COG4: variants seen among roughly 807,000 people sequenced by gnomAD.
The protein encoded by COG4 is conserved oligomeric Golgi complex subunit 4.
In COG4, 65 loss-of-function variants were observed where a neutral mutation model predicts 95.1. The ratio of observed to expected loss-of-function variants is 0.68; its 90% CI spans 0.56 to 0.84. The LOEUF is 0.84. COG4 is among the 40% of genes least tolerant of loss of function. The probability of loss-of-function intolerance (pLI) is 0.00; values close to 1 mark genes in which losing one functional copy is unlikely to be tolerated. For missense variants in COG4, 1,045 were observed against 989.1 expected (o/e 1.06, Z -0.76); for synonymous variants, 421 against 374.8 (o/e 1.12, Z -1.42).
chr16:70,506,641 G>T (rs116622934), intron 8 of COG4, among the ~76,000 whole-genome samples: 431 of 134,540 alleles, frequency 3.2e-3, no homozygotes, highest in African/African-American at 0.013. Context: ...ATTTAGCTGG[G>T]AGTGGTGACT....
chr16:70,498,891 C>A (rs1022494359), intron 9 of COG4, among the ~76,000 whole-genome samples: 2 of 152,066 alleles, frequency 1.3e-5, no homozygotes. Context: ...TTCTCTACAC[C>A]AGTACTGTCC....
chr16:70,487,299 A>G (rs1284555777), intron 13 of COG4, among the ~76,000 whole-genome samples: 1 of 151,248 alleles, frequency 6.6e-6, no homozygotes, highest in Non-Finnish European at 1.5e-5. Flanking sequence ...ATAAAAATAA[A>G]AAAAAAAAAA....
intron 13 of COG4, among the ~76,000 whole-genome samples, chr16:70,488,640 G>C (rs553188805): frequency 3.3e-5 from 5 of 151,054 alleles, no homozygotes; most frequent in South Asian, 4.2e-4. Context: ...CTCCACCTCC[G>C]GGGTTCAAAC....
intron 15 of COG4, chr16:70,482,392 G>A: frequency 1.6e-6 from 1 of 630,780 alleles, no homozygotes. Flanking sequence ...ACATGGTAAA[G>A]TTCCTGGCAT....
intron 9 of COG4, among the ~76,000 whole-genome samples, chr16:70,498,651 T>C (rs2049389178): frequency 6.6e-6 from 1 of 152,184 alleles, no homozygotes; most frequent in Admixed American, 6.6e-5. Flanking sequence ...TGTTGTTTCA[T>C]GTGAAATTGA....
At chr16:70,486,332 T>C (rs777258068) in intron 13 of COG4, among the ~76,000 whole-genome samples, 2 of 152,184 alleles carry the variant, frequency 1.3e-5, no homozygotes, top group African/African-American at 4.8e-5. Context: ...CATGCTGTTT[T>C]GGCTCCAGAG....
intron 6 of COG4, 85 bp from the exon 7 acceptor site, chr16:70,509,473 C>A: frequency 6.8e-7 from 1 of 1,470,112 alleles, no homozygotes; most frequent in South Asian, 1.2e-5. Flanking sequence ...AACCGAAGGT[C>A]TAGCTCAATC....
intron 3 of COG4, chr16:70,516,142 A>T (rs1318095237): frequency 1.1e-5 from 5 of 437,994 alleles, no homozygotes; most frequent in Non-Finnish European, 2.3e-5. Context: ...GTGTATTATT[A>T]GGATGGTGCA....
chr16:70,483,740 G>A, intron 14 of COG4, 113 bp downstream of exon 14: 1 of 845,790 alleles, frequency 1.2e-6, no homozygotes. Flanking sequence ...GGGCTTGCGT[G>A]CTGCTCCCTC....
chr16:70,497,130 A>C, intron 11 of COG4, 91 bp downstream of exon 11: 1 of 1,250,454 alleles, frequency 8.0e-7, no homozygotes, highest in Non-Finnish European at 1.2e-6. Context: ...CTTAACTAGA[A>C]TCATGAGGAC....
At chr16:70,518,160 T>A (rs2049864480) in intron 2 of COG4, among the ~76,000 whole-genome samples, 1 of 152,118 alleles carries the variant, frequency 6.6e-6, no homozygotes, top group South Asian at 2.1e-4. Flanking sequence ...CTTGAACTCT[T>A]GACCTTGTGA....
At chr16:70,492,266 A>G (rs915446284) in intron 12 of COG4, among the ~76,000 whole-genome samples, 4 of 152,144 alleles carry the variant, frequency 2.6e-5, no homozygotes, top group African/African-American at 4.8e-5. Context: ...AAACAAATAA[A>G]CTAAAAAAAT....
intron 10 of COG4, 74 bp from the exon 11 acceptor site, chr16:70,497,461 G>T: frequency 2.1e-6 from 3 of 1,443,836 alleles, no homozygotes; most frequent in Non-Finnish European, 2.9e-6. Flanking sequence ...TGGGTACACT[G>T]GCCCTAGCTC....
At chr16:70,494,987 A>T (rs947830572) in intron 12 of COG4, among the ~76,000 whole-genome samples, 4 of 152,148 alleles carry the variant, frequency 2.6e-5, no homozygotes, top group Non-Finnish European at 4.4e-5. Context: ...TCTGTCTCAT[A>T]ACTAGTTACT....
At chr16:70,505,093 G>C (rs2049533825) in intron 8 of COG4, among the ~76,000 whole-genome samples, 1 of 151,570 alleles carries the variant, frequency 6.6e-6, no homozygotes, top group South Asian at 2.1e-4. Context: ...AAAAAATTAT[G>C]TTTGCTTGCT....
At chr16:70,484,704 A>T (rs1326685744) in intron 13 of COG4, among the ~76,000 whole-genome samples, 1 of 152,160 alleles carries the variant, frequency 6.6e-6, no homozygotes, top group Admixed American at 6.6e-5. Flanking sequence ...GTTTAAGAAC[A>T]GCAGGGAAAC....
chr16:70,513,159 T>G (rs2049747497), intron 4 of COG4, among the ~76,000 whole-genome samples: 2 of 152,202 alleles, frequency 1.3e-5, no homozygotes, highest in Non-Finnish European at 2.9e-5. Flanking sequence ...AAAGAATATT[T>G]GCAGAGTATT....
chr16:70,514,113 G>A (rs1418570956), intron 4 of COG4, among the ~76,000 whole-genome samples: 1 of 152,146 alleles, frequency 6.6e-6, no homozygotes, highest in Non-Finnish European at 1.5e-5. Flanking sequence ...AGGAGGCTGA[G>A]GCAGGAGAAT....
At chr16:70,497,167 G>T (rs1031424896) in intron 11 of COG4, 54 bp downstream of exon 11, 2 of 1,547,794 alleles carry the variant, frequency 1.3e-6, no homozygotes, top group Admixed American at 1.7e-5. Flanking sequence ...TGGGCCTCAG[G>T]AATCAACAGG....
Sources: gnomAD v4.1 joint callset for allele counts (sites outside exome capture counted in the v4.1 genomes callset) on GRCh38, gnomAD v4.1.1 for gene constraint, MANE v1.5 for transcripts, NCBI Gene and HGNC (gene_info 2026-07-23, HGNC 2026-07-21) for gene names.